MAST2: variants seen among roughly 807,000 people sequenced by gnomAD.
MAST2 encodes microtubule associated serine/threonine kinase 2.
Under a neutral mutation model 147.4 loss-of-function variants are expected in MAST2, and 70 were observed. The observed-to-expected ratio is 0.47, with a 90% CI of 0.39 to 0.58. The LOEUF is 0.58. Ranked by LOEUF, MAST2 falls within the 20% of genes least tolerant of loss-of-function variation. MAST2 has a pLI of 0.00. For synonymous variants in MAST2, 869 were observed against 896.8 expected, an observed-to-expected ratio of 0.97 and a Z score of 0.55; for missense variants, 2,080 against 2,302.3, an observed-to-expected ratio of 0.90 and a Z score of 1.98.
chr1:45,884,518 C>T (rs1646994967), intron 4 of MAST2, among the ~76,000 whole-genome samples: 1 of 152,114 alleles, frequency 6.6e-6, no homozygotes, highest in African/African-American at 2.4e-5. Flanking sequence ...TGCCACTGCA[C>T]TCCAGCCTGG....
chr1:45,908,000 CTCA>C (rs1383642282), intron 4 of MAST2, among the ~76,000 whole-genome samples: 1 of 152,052 alleles, frequency 6.6e-6, no homozygotes. Flanking sequence ...GTTGTGATAA[CTCA>C]TCTTTTATTT....
At chr1:45,937,357 C>T (rs1304178513) in intron 4 of MAST2, among the ~76,000 whole-genome samples, 2 of 151,812 alleles carry the variant, frequency 1.3e-5, no homozygotes, top group African/African-American at 4.8e-5. Flanking sequence ...TCTCAAACTC[C>T]TGGGCCCAAG....
chr1:45,954,068 A>G (rs915491223), intron 4 of MAST2, among the ~76,000 whole-genome samples: 1 of 152,116 alleles, frequency 6.6e-6, no homozygotes, highest in Non-Finnish European at 1.5e-5. Flanking sequence ...AACAGAAGTG[A>G]TCTTTTCCTC....
chr1:46,005,544 A>G (rs1358504679), intron 7 of MAST2, among the ~76,000 whole-genome samples: 2 of 151,908 alleles, frequency 1.3e-5, no homozygotes, highest in Non-Finnish European at 2.9e-5. Flanking sequence ...ATAGCCGAGC[A>G]CCCTCCCTCA....
At chr1:45,862,039 A>G (rs1429838566) in intron 3 of MAST2, among the ~76,000 whole-genome samples, 1 of 152,182 alleles carries the variant, frequency 6.6e-6, no homozygotes, top group African/African-American at 2.4e-5. Flanking sequence ...TCTGTTTCCT[A>G]CAGTTTAATC....
chr1:45,991,315 A>G (rs1251980500), intron 5 of MAST2, among the ~76,000 whole-genome samples: 1 of 152,166 alleles, frequency 6.6e-6, no homozygotes, highest in Admixed American at 6.5e-5. Context: ...GAGGTCAGGT[A>G]ATATCAGTCC....
At chr1:45,820,794 T>G (rs1233487569) in intron 1 of MAST2, among the ~76,000 whole-genome samples, 3 of 151,446 alleles carry the variant, frequency 2.0e-5, no homozygotes, top group African/African-American at 4.8e-5. Flanking sequence ...CCTTTTAGGA[T>G]TTGATGTAGA....
At chr1:45,904,803 T>A (rs1046776158) in intron 4 of MAST2, among the ~76,000 whole-genome samples, 4 of 151,948 alleles carry the variant, frequency 2.6e-5, no homozygotes, top group Non-Finnish European at 5.9e-5. Flanking sequence ...TTTGTGTATT[T>A]TATTGCAATG....
chr1:45,850,208 G>A (rs1038703801), intron 3 of MAST2, among the ~76,000 whole-genome samples: 3 of 152,124 alleles, frequency 2.0e-5, no homozygotes, highest in African/African-American at 7.2e-5. Flanking sequence ...TTAGTATGTG[G>A]AGCATGTTTT....
intron 5 of MAST2, among the ~76,000 whole-genome samples, chr1:45,992,944 G>C (rs568852522): frequency 8.6e-5 from 13 of 151,794 alleles, no homozygotes; most frequent in African/African-American, 3.1e-4. Flanking sequence ...TTATTGTTTA[G>C]TGTTTGCCTT....
intron 3 of MAST2, among the ~76,000 whole-genome samples, chr1:45,838,807 G>A (rs1478474986): frequency 7.0e-6 from 1 of 143,872 alleles, no homozygotes; most frequent in East Asian, 1.9e-4. Context: ...TTAAAAATCA[G>A]GACTGTTTGC....
intron 4 of MAST2, among the ~76,000 whole-genome samples, chr1:45,896,906 A>G (rs1648830071): frequency 1.3e-5 from 2 of 152,204 alleles, no homozygotes; most frequent in Admixed American, 1.3e-4. Flanking sequence ...AGTTTCCTAA[A>G]TCTTGTCAAG....
intron 2 of MAST2, among the ~76,000 whole-genome samples, chr1:45,827,064 GTGATCC>G (rs1225683625): frequency 9.2e-5 from 14 of 151,906 alleles, no homozygotes; most frequent in African/African-American, 3.4e-4. Flanking sequence ...TCTTGACCTC[GTGATCC>G]GCCTGCCTCG....
At chr1:45,818,323 T>G (rs1350032023) in intron 1 of MAST2, among the ~76,000 whole-genome samples, 1 of 152,186 alleles carries the variant, frequency 6.6e-6, no homozygotes, top group Non-Finnish European at 1.5e-5. Flanking sequence ...TGACCTTTAT[T>G]TGATGCAAGT....
intron 3 of MAST2, among the ~76,000 whole-genome samples, chr1:45,839,362 T>C (rs1278718640): frequency 6.6e-6 from 1 of 152,050 alleles, no homozygotes; most frequent in Non-Finnish European, 1.5e-5. Context: ...ACTCCTGACC[T>C]CGTGATCTGC....
chr1:46,034,653 C>T lies in MAST2; in HGVS notation c.3984C>T (p.Arg1328=), dbSNP rs369296722. 3 of 1,614,032 alleles carry T rather than the reference C, an allele frequency of 1.9e-6. No individual in the cohort carries two copies. In the African/African-American group the frequency reaches 4.0e-5, roughly 22 times the overall value. ...SLHGLAPKLQ[R]QYRSPRRKSA... ...ACGGTCTGGCACCCAAGCTCCAACGCCAGTACCGCTCTCCACGGCGCAAGT... is the reference window on the plus strand; with the variant it reads ...ACGGTCTGGCACCCAAGCTCCAACGTCAGTACCGCTCTCCACGGCGCAAGT... Residue 1328 remains arginine, a synonymous_variant, in exon 29 of 29, where the codon CGC becomes CGT. Transcript: ENST00000361297.
At chr1:45,917,195 A>G (rs1652677716) in intron 4 of MAST2, 1 of 359,792 alleles carries the variant, frequency 2.8e-6, no homozygotes, top group Non-Finnish European at 5.2e-6. Flanking sequence ...CAACATTGGT[A>G]CTGAAGTATG....
At chr1:45,822,416 CTT>C (rs766765484) in intron 1 of MAST2, among the ~76,000 whole-genome samples, 1 of 152,036 alleles carries the variant, frequency 6.6e-6, no homozygotes, top group Admixed American at 6.6e-5. Flanking sequence ...GTGATCCTCT[CTT>C]TCTTTTCTCC....
At chr1:45,861,354 T>A (rs1323235722) in intron 3 of MAST2, among the ~76,000 whole-genome samples, 1 of 152,222 alleles carries the variant, frequency 6.6e-6, no homozygotes, top group Non-Finnish European at 1.5e-5. Context: ...TCCTTAACGC[T>A]GCTTACCAAT....
Sources: gnomAD v4.1 joint callset for allele counts (sites outside exome capture counted in the v4.1 genomes callset) on GRCh38, gnomAD v4.1.1 for gene constraint, MANE v1.5 for transcripts, NCBI Gene and HGNC (gene_info 2026-07-23, HGNC 2026-07-21) for gene names.